Variants in OSBPL8 observed in about 807,000 individuals in gnomAD.
The protein encoded by OSBPL8 is oxysterol binding protein like 8, also known as oxysterol-binding protein-related protein 8.
In OSBPL8, 59 loss-of-function variants were observed where a neutral mutation model predicts 125.5. The ratio of observed to expected loss-of-function variants is 0.47; its 90% CI spans 0.38 to 0.58. The LOEUF (loss-of-function observed/expected upper bound fraction) is 0.58. OSBPL8 is among the 20% of genes least tolerant of loss of function. OSBPL8 has a pLI of 0.00. For synonymous variants in OSBPL8, 330 were observed against 338.9 expected, an observed-to-expected ratio of 0.97 and a Z score of 0.29; for missense variants, 758 against 1,047.8, an observed-to-expected ratio of 0.72 and a Z score of 3.82.
At chr12:76,378,679 G>A in intron 15 of OSBPL8, 129 bp from the exon 16 acceptor site, 1 of 634,490 alleles carries the variant, frequency 1.6e-6, no homozygotes, top group Non-Finnish European at 2.7e-6. Flanking sequence ...ATCTCAATGT[G>A]CCCAAACATG....
At chr12:76,464,602 G>T (rs1044993564) in intron 2 of OSBPL8, among the ~76,000 whole-genome samples, 1 of 152,032 alleles carries the variant, frequency 6.6e-6, no homozygotes, top group Non-Finnish European at 1.5e-5. Context: ...CAATCTTGAG[G>T]GTATATAAAC....
chr12:76,481,975 C>T (rs1227628673), intron 2 of OSBPL8, among the ~76,000 whole-genome samples: 1 of 152,164 alleles, frequency 6.6e-6, no homozygotes, highest in Non-Finnish European at 1.5e-5. Context: ...GAATAACTCA[C>T]CTAGTATGTA....
At chr12:76,528,215 G>A (rs909815726) in intron 1 of OSBPL8, among the ~76,000 whole-genome samples, 1 of 151,952 alleles carries the variant, frequency 6.6e-6, no homozygotes, top group Non-Finnish European at 1.5e-5. Flanking sequence ...CAGCTACCTG[G>A]GATGCTGAGG....
chr12:76,502,267 T>C (rs987342907), intron 1 of OSBPL8, among the ~76,000 whole-genome samples: 3 of 152,214 alleles, frequency 2.0e-5, no homozygotes, highest in African/African-American at 4.8e-5. Flanking sequence ...ATTACCCCTA[T>C]TGATCCACTA....
chr12:76,554,802 T>A (rs1277202338), intron 1 of OSBPL8, among the ~76,000 whole-genome samples: 1 of 152,232 alleles, frequency 6.6e-6, no homozygotes, highest in Non-Finnish European at 1.5e-5. Context: ...CCTTTTTGAA[T>A]ATGGAAATTA....
intron 4 of OSBPL8, among the ~76,000 whole-genome samples, chr12:76,423,750 A>G (rs1869799352): frequency 6.6e-6 from 1 of 152,168 alleles, no homozygotes; most frequent in South Asian, 2.1e-4. Context: ...TATATGCCGT[A>G]GATTGATTTT....
At chr12:76,432,706 T>C (rs547956280) in intron 4 of OSBPL8, among the ~76,000 whole-genome samples, 3 of 150,952 alleles carry the variant, frequency 2.0e-5, no homozygotes, top group Non-Finnish European at 4.4e-5. Context: ...CAGAAATAAA[T>C]AAAAGGGAGA....
intron 1 of OSBPL8, among the ~76,000 whole-genome samples, chr12:76,503,697 C>A (rs1171656188): frequency 6.6e-6 from 1 of 152,038 alleles, no homozygotes; most frequent in African/African-American, 2.4e-5. Context: ...CGCCACCATG[C>A]CCGGCTAATT....
intron 11 of OSBPL8, 147 bp downstream of exon 11, chr12:76,390,273 A>G: frequency 1.6e-6 from 1 of 608,106 alleles, no homozygotes. Context: ...GTAAATCCCA[A>G]TATATTTCAT....
chr12:76,398,567 C>A (rs1162989455), intron 7 of OSBPL8, among the ~76,000 whole-genome samples: 3 of 152,160 alleles, frequency 2.0e-5, no homozygotes, highest in Non-Finnish European at 4.4e-5. Context: ...CTATAAATTT[C>A]TATTTCCATC....
Position 76,371,450 on chromosome 12 carries a change from C to G in OSBPL8, c.2052G>C (p.Glu684Asp), listed in dbSNP as rs778595809. Residue 684 changes from glutamate to aspartate, a missense_variant and splice_region_variant, in exon 19 of 24, where the codon GAG (glutamate) becomes GAC (aspartate). This residue lies in a region of OSBPL8 where 572 missense variants were observed against 762.0 expected (regional missense o/e 0.75). Transcript: ENST00000261183. Reference protein sequence around the residue: ...KFEEQGDFESEKLWQRVTRAI... With the variant: ...KFEEQGDFESDKLWQRVTRAI... Reference sequence around the variant, plus strand: ...TAGCTGTAAAACAGTATACTTACTTCTCTGATTCAAAATCTCCCTGTTCTT... The same window carrying G: ...TAGCTGTAAAACAGTATACTTACTTGTCTGATTCAAAATCTCCCTGTTCTT... 3 of 1,603,518 alleles carry G rather than the reference C, an allele frequency of 1.9e-6. No individual in the cohort carries two copies. Among genetic ancestry groups the G allele is most frequent in the Non-Finnish European group, 1.7e-6 (2 of 1,175,076 alleles).
intron 1 of OSBPL8, among the ~76,000 whole-genome samples, chr12:76,523,018 T>G (rs1363168088): frequency 2.0e-5 from 3 of 152,052 alleles, no homozygotes; most frequent in Non-Finnish European, 4.4e-5. Flanking sequence ...TTGTATTTTT[T>G]GTAGAGACGG....
chr12:76,371,683 C>T (rs1438022246), intron 18 of OSBPL8, 99 bp from the exon 19 acceptor site: 1 of 1,104,494 alleles, frequency 9.1e-7, no homozygotes, highest in African/African-American at 1.6e-5. Context: ...CTGGTTAATC[C>T]TCCAGTTAAA....
intron 2 of OSBPL8, among the ~76,000 whole-genome samples, chr12:76,484,471 T>A (rs1877909048): frequency 6.6e-6 from 1 of 152,184 alleles, no homozygotes; most frequent in African/African-American, 2.4e-5. Context: ...ATAAAAATAG[T>A]TGCTTTTATT....
chr12:76,421,037 A>G (rs949260487), intron 4 of OSBPL8, among the ~76,000 whole-genome samples: 7 of 152,034 alleles, frequency 4.6e-5, no homozygotes, highest in African/African-American at 7.2e-5. Context: ...TTAACTGCCT[A>G]ATTAAATAAG....
At chr12:76,382,808 G>A (rs571676767) in intron 15 of OSBPL8, among the ~76,000 whole-genome samples, 192 of 152,274 alleles carry the variant, frequency 1.3e-3, no homozygotes, top group Non-Finnish European at 2.2e-3. Flanking sequence ...GCTTGAACCC[G>A]GGAGGCAGAG....
chr12:76,364,752 C>T (rs1004136415), intron 21 of OSBPL8, among the ~76,000 whole-genome samples: 7 of 152,300 alleles, frequency 4.6e-5, no homozygotes, highest in Admixed American at 1.3e-4. Flanking sequence ...ATAAGTACCA[C>T]GTTCCTTTGA....
At chr12:76,393,090 A>T (rs1953632407) in intron 9 of OSBPL8, among the ~76,000 whole-genome samples, 1 of 152,210 alleles carries the variant, frequency 6.6e-6, no homozygotes, top group African/African-American at 2.4e-5. Flanking sequence ...AGGATTTATG[A>T]TTCTACTACA....
chr12:76,424,113 G>A (rs1592657394), intron 4 of OSBPL8, among the ~76,000 whole-genome samples: 2 of 151,986 alleles, frequency 1.3e-5, no homozygotes, highest in South Asian at 4.1e-4. Flanking sequence ...TGATTCTCCT[G>A]CCTCAGCCTC....
Sources: allele counts gnomAD v4.1 joint callset (sites outside exome capture counted in the v4.1 genomes callset), GRCh38; gene constraint gnomAD v4.1.1; regional missense constraint gnomAD v4.1.1; transcripts MANE v1.5; gene names NCBI Gene and HGNC (gene_info 2026-07-23, HGNC 2026-07-21).